Variants in PDE1C observed in about 807,000 individuals in gnomAD.
The protein encoded by PDE1C is phosphodiesterase 1C, also known as dual specificity calcium/calmodulin-dependent 3',5'-cyclic nucleotide phosphodiesterase 1C.
A neutral mutation model predicts 93.1 loss-of-function variants in PDE1C; 62 were observed. The observed-to-expected ratio is 0.67, with a 90% CI of 0.54 to 0.82. The LOEUF is 0.82. Ranked by LOEUF, PDE1C falls within the 40% of genes least tolerant of loss-of-function variation. The pLI is 0.00. For synonymous variants in PDE1C, 325 were observed against 310.1 expected, an observed-to-expected ratio of 1.05 and a Z score of -0.50; for missense variants, 742 against 884.6, an observed-to-expected ratio of 0.84 and a Z score of 2.04.
chr7:31,883,088 T>C (rs117545757), intron 2 of PDE1C, among the ~76,000 whole-genome samples: 3,229 of 152,308 alleles, frequency 0.021, 53 homozygotes, highest in African/African-American at 0.042. Flanking sequence ...TCTACTTCTA[T>C]CATGTCAAAC....
chr7:32,111,837 A>G (rs575256563), intron 3 of PDE1C, among the ~76,000 whole-genome samples: 1 of 152,324 alleles, frequency 6.6e-6, no homozygotes, highest in East Asian at 1.9e-4. Flanking sequence ...AACAAAATTC[A>G]GTAAGAAATC....
intron 11 of PDE1C, among the ~76,000 whole-genome samples, chr7:31,829,298 G>T (rs1790086449): frequency 6.6e-6 from 1 of 151,972 alleles, no homozygotes; most frequent in Non-Finnish European, 1.5e-5. Context: ...ACCTCATAGG[G>T]TTATAAGGAT....
At chr7:32,245,278 C>G (rs1402094147) in intron 1 of PDE1C, among the ~76,000 whole-genome samples, 2 of 152,152 alleles carry the variant, frequency 1.3e-5, no homozygotes, top group Non-Finnish European at 2.9e-5. Flanking sequence ...GCAGACAGCC[C>G]TTCTCTTTGT....
intron 9 of PDE1C, 136 bp from the exon 10 acceptor site, chr7:31,838,107 G>A: frequency 1.5e-6 from 1 of 648,326 alleles, no homozygotes; most frequent in Non-Finnish European, 2.8e-6. Context: ...GGTCTTTAAG[G>A]TGAGCTTTTC....
intron 1 of PDE1C, among the ~76,000 whole-genome samples, chr7:32,324,785 T>C (rs993978388): frequency 6.6e-6 from 1 of 152,074 alleles, no homozygotes; most frequent in Non-Finnish European, 1.5e-5. Flanking sequence ...CTCATCTATA[T>C]GAAAAATTTA....
chr7:32,305,728 A>C (rs1472198018), intron 1 of PDE1C, among the ~76,000 whole-genome samples: 1 of 151,948 alleles, frequency 6.6e-6, no homozygotes, highest in African/African-American at 2.4e-5. Context: ...CTTGGGCCCA[A>C]CTCACTAGGG....
At chr7:32,360,221 G>T (rs10486507) in intron 1 of PDE1C, among the ~76,000 whole-genome samples, 38,072 of 152,102 alleles carry the variant, frequency 0.25, 5,691 homozygotes, top group African/African-American at 0.41. Context: ...GGACATCTAT[G>T]CTTACCATGA....
At chr7:32,032,548 G>A (rs1265331337) in intron 2 of PDE1C, among the ~76,000 whole-genome samples, 1 of 152,144 alleles carries the variant, frequency 6.6e-6, no homozygotes, top group Non-Finnish European at 1.5e-5. Flanking sequence ...AATACAAGAT[G>A]AATGCAAAGA....
At chr7:32,050,717 C>A (rs548831268) in intron 2 of PDE1C, among the ~76,000 whole-genome samples, 7 of 152,000 alleles carry the variant, frequency 4.6e-5, no homozygotes, top group Non-Finnish European at 1.0e-4. Context: ...ATTAGAGAAC[C>A]CACTCACCCT....
intron 14 of PDE1C, among the ~76,000 whole-genome samples, chr7:31,817,640 T>C (rs572831838): frequency 4.1e-4 from 63 of 152,288 alleles, no homozygotes; most frequent in Middle Eastern, 6.8e-3. Context: ...TCTACATGTG[T>C]TTTAAAATGC....
At chr7:32,333,510 C>T (rs1783552616) in intron 1 of PDE1C, among the ~76,000 whole-genome samples, 1 of 152,146 alleles carries the variant, frequency 6.6e-6, no homozygotes, top group Non-Finnish European at 1.5e-5. Context: ...CGTGTACATG[C>T]TCTTTGTCAC....
At chr7:31,688,559 C>T in the PDE1C span, among the ~76,000 whole-genome samples, 1 of 152,308 alleles carries the variant, frequency 6.6e-6, no homozygotes, top group Admixed American at 6.5e-5. Context: ...TTCCTTCCCC[C>T]TTTCAGTTCC....
intron 2 of PDE1C, among the ~76,000 whole-genome samples, chr7:32,039,028 G>C (rs1791477696): frequency 6.6e-6 from 1 of 152,014 alleles, no homozygotes; most frequent in African/African-American, 2.4e-5. Flanking sequence ...GTGCTCATGG[G>C]CCACCACCAC....
intron 7 of PDE1C, among the ~76,000 whole-genome samples, chr7:31,851,180 C>T (rs1050690451): frequency 2.6e-5 from 4 of 151,956 alleles, no homozygotes; most frequent in Non-Finnish European, 5.9e-5. Flanking sequence ...GGAGGATATC[C>T]ACTAGGAAGT....
At chr7:32,043,133 C>T (rs1792072764) in intron 2 of PDE1C, among the ~76,000 whole-genome samples, 1 of 152,130 alleles carries the variant, frequency 6.6e-6, no homozygotes, top group Non-Finnish European at 1.5e-5. Flanking sequence ...GGGATACTGC[C>T]AAACATCCTA....
At chr7:31,695,439 C>A in the PDE1C span, 2 of 1,573,678 alleles carry the variant, frequency 1.3e-6, no homozygotes, top group African/African-American at 2.7e-5. Flanking sequence ...ATGTTATATT[C>A]TTTATTTCTT....
At chr7:31,843,654 A>G (rs1792191912) in intron 9 of PDE1C, among the ~76,000 whole-genome samples, 1 of 151,848 alleles carries the variant, frequency 6.6e-6, no homozygotes, top group Admixed American at 6.6e-5. Context: ...CCTTTTAAGT[A>G]GAATGTTTAG....
intron 17 of PDE1C, among the ~76,000 whole-genome samples, chr7:31,764,803 C>CTGG (rs1182920150): frequency 6.6e-6 from 1 of 152,154 alleles, no homozygotes; most frequent in African/African-American, 2.4e-5. Context: ...ACAGTATTAA[C>CTGG]TGGTGGTGAG....
chr7:32,318,995 G>C (rs1222351976), intron 1 of PDE1C, among the ~76,000 whole-genome samples: 1 of 152,220 alleles, frequency 6.6e-6, no homozygotes, highest in South Asian at 2.1e-4. Flanking sequence ...CAAAAGAACC[G>C]GTGGTGATTG....
Sources: gnomAD v4.1 joint callset for allele counts (sites outside exome capture counted in the v4.1 genomes callset) on GRCh38, gnomAD v4.1.1 for gene constraint, MANE v1.5 for transcripts, NCBI Gene and HGNC (gene_info 2026-07-23, HGNC 2026-07-21) for gene names.